GTF3C1: variants seen among roughly 807,000 people sequenced by gnomAD.
The protein encoded by GTF3C1 is general transcription factor IIIC subunit 1, also known as general transcription factor 3C polypeptide 1.
GTF3C1 carries 57 observed loss-of-function variants against 226.7 expected under a neutral mutation model. The ratio of observed to expected loss-of-function variants is 0.25; its 90% CI spans 0.20 to 0.31. The LOEUF (loss-of-function observed/expected upper bound fraction) is 0.31, where lower values mean the gene tolerates loss of function less well. Ranked by LOEUF, GTF3C1 falls within the 10% of genes least tolerant of loss-of-function variation. The pLI, the probability that GTF3C1 is intolerant of heterozygous loss-of-function variation, is 1.00. For synonymous variants in GTF3C1, 1,090 were observed against 1,084.8 expected (o/e 1.00, Z -0.09); for missense variants, 2,217 against 2,776.1 (o/e 0.80, Z 4.53).
intron 5 of GTF3C1, among the ~76,000 whole-genome samples, 170 bp downstream of exon 5, chr16:27,533,121 G>C (rs1051115344): frequency 6.6e-6 from 1 of 152,182 alleles, no homozygotes; most frequent in African/African-American, 2.4e-5. Flanking sequence ...AACAGAGCAA[G>C]ACTCTGTCTC....
At position 27,495,351 on chromosome 16, in the gene GTF3C1, G is replaced by A. The variant is rs531481141; in HGVS notation, c.2492C>T (p.Thr831Met). Reference protein sequence around the residue: ...EKPSFISERRTIKQESGRAGV... With the variant: ...EKPSFISERRMIKQESGRAGV... ...TGCCCTGCCTGACTCCTGCTTTATC[G>A]TTCTCCGTTCACTGATGAAGCTTGG... Residue 831 changes from threonine to methionine, a missense_variant, in exon 15 of 37, where the codon ACG becomes ATG. By Grantham distance (81) the Thr-to-Met change is moderately conservative. This residue lies in a region of GTF3C1 where 353 missense variants were observed against 411.7 expected (regional missense o/e 0.86). Transcript: ENST00000356183. The A allele has an allele frequency of 1.1e-5, 18 of 1,613,962 alleles. No individual in the cohort carries two copies. The highest frequency in any genetic ancestry group is 3.3e-5 in the Admixed American group (2 of 60,006).
At chr16:27,497,873 A>T (rs758223555) in intron 13 of GTF3C1, 52 bp from the exon 14 acceptor site, 1 of 1,437,684 alleles carries the variant, frequency 7.0e-7, no homozygotes, top group South Asian at 1.2e-5. Context: ...AAGGGCTAAG[A>T]GAAAGGACAG....
At chr16:27,526,279 C>T (rs1031142279) in intron 6 of GTF3C1, among the ~76,000 whole-genome samples, 1 of 152,084 alleles carries the variant, frequency 6.6e-6, no homozygotes, top group African/African-American at 2.4e-5. Flanking sequence ...GCACATCAAA[C>T]GACAGACTAA....
chr16:27,549,658 C>G lies in GTF3C1; in HGVS notation c.221+12G>C. 3 of 1,172,690 alleles carry G rather than the reference C, an allele frequency of 2.6e-6. No individual in the cohort carries two copies. The highest frequency in any genetic ancestry group is 3.7e-6 in the Non-Finnish European group (3 of 821,686). The allele number at this position is 1,172,690 out of a possible 1,614,324, so 72.6% of individuals were successfully genotyped here. A position where few individuals can be genotyped will look rare whatever the true frequency, so the allele number is the denominator to read the frequency against. On this transcript the variant is annotated intron_variant, in intron 1 of 36. Transcript: ENST00000356183. The stretch of plus-strand genomic sequence containing the variant: ...CCGCCCGCCCGCCCGCCAGGCCAGG[C>G]CGCCCGCTGACCGGTCCTGGAGCTG...
In GTF3C1 at chr16:27,470,161, C is replaced by T. The variant is rs1186669653; in HGVS notation, c.4761G>A (p.Pro1587=). ...LGLISVDVRI[P]EQIIVVDSSM... ...AGCTGTCTACCACGATGATCTGCTCCGGGATCCTGACATCCACAGAAATGA... is the reference window on the plus strand; with the variant it reads ...AGCTGTCTACCACGATGATCTGCTCTGGGATCCTGACATCCACAGAAATGA... The change falls in exon 31 of 37, where the codon CCG becomes CCA. Residue 1587 remains proline, a synonymous_variant. Transcript: ENST00000356183. This position sits in a 1 kb window ranked among gnomAD's most constrained non-coding sequence, Gnocchi z 4.9. 3.7e-6 allele frequency: 6 copies of T among 1,613,804 alleles called. No homozygotes were observed. Among genetic ancestry groups the T allele is most frequent in the East Asian group, 2.2e-5 (1 of 44,896 alleles).
intron 25 of GTF3C1, 29 bp from the exon 26 acceptor site, chr16:27,483,154 C>G: frequency 6.2e-7 from 1 of 1,602,508 alleles, no homozygotes; most frequent in Non-Finnish European, 8.5e-7. Context: ...AAGCTGAAGT[C>G]TGGGAATTGC....
At chr16:27,491,403 G>C (rs563528450) in intron 19 of GTF3C1, among the ~76,000 whole-genome samples, 1 of 152,312 alleles carries the variant, frequency 6.6e-6, no homozygotes, top group South Asian at 2.1e-4. Flanking sequence ...CCATGCATTT[G>C]ATCCACATTT....
At position 27,471,491 on chromosome 16, in the gene GTF3C1, CT is replaced by C; in HGVS notation, c.4526+256del. ...TAAATGCAAACTGATTTCACTCCAT[CT>C]GACGAGAGAAACGGAAACAAACCAC... On this transcript the variant is annotated intron_variant, in intron 30 of 36. Transcript: ENST00000356183. The surrounding 1 kb of genome is among the most constrained non-coding windows in gnomAD (Gnocchi z 5.0). 1 of 469,438 alleles carries C rather than the reference CT, an allele frequency of 2.1e-6. No homozygotes were observed. Among genetic ancestry groups the C allele is most frequent in the East Asian group, 3.7e-5 (1 of 27,394 alleles). The allele number at this position is 469,438 out of a possible 1,614,324, so 29.1% of individuals were successfully genotyped here. A position where few individuals can be genotyped will look rare whatever the true frequency, so the allele number is the denominator to read the frequency against.
chr16:27,530,801 G>A lies in GTF3C1; in HGVS notation c.850-2080C>T, dbSNP rs572596505. 1.8e-4 allele frequency among the ~76,000 whole-genome samples: 27 copies of A among 152,270 alleles called. No homozygotes were observed. In the South Asian group the frequency reaches 5.4e-3, roughly 30 times the overall value. On this transcript the variant is annotated intron_variant, in intron 5 of 36. Transcript: ENST00000356183. ...TGTCTTCATCGTGGGGGCCCGCAGT[G>A]AGCAAGCAGACATGATCCCTGCGTC...
At position 27,462,125 on chromosome 16, in the gene GTF3C1, G is replaced by A; in HGVS notation, c.6117+169C>T. On this transcript the variant is annotated intron_variant, in intron 36 of 36. Transcript: ENST00000356183. The surrounding 1 kb of genome is among the most constrained non-coding windows in gnomAD (Gnocchi z 4.5). Reference sequence around the variant, plus strand: ...GGTCAGCAGCATGGAGCTGGTGAAGGACACTGAGGGACAGCCTGAGAGGCA... The same window carrying A: ...GGTCAGCAGCATGGAGCTGGTGAAGAACACTGAGGGACAGCCTGAGAGGCA... The A allele has an allele frequency of 1.7e-6, 1 of 603,090 alleles. No individual in the cohort carries two copies. Among genetic ancestry groups the A allele is most frequent in the East Asian group, 2.8e-5 (1 of 36,324 alleles). The allele number at this position is 603,090 out of a possible 1,614,324, so 37.4% of individuals were successfully genotyped here. A position where few individuals can be genotyped will look rare whatever the true frequency, so the allele number is the denominator to read the frequency against.
intron 4 of GTF3C1, among the ~76,000 whole-genome samples, chr16:27,536,837 C>T (rs1314772451): frequency 6.6e-6 from 1 of 152,128 alleles, no homozygotes; most frequent in Non-Finnish European, 1.5e-5. Context: ...CTGGCTTCTG[C>T]CCCTCCCACA....
chr16:27,485,523 T>G (rs2088125915), intron 24 of GTF3C1, among the ~76,000 whole-genome samples: 1 of 152,206 alleles, frequency 6.6e-6, no homozygotes, highest in Non-Finnish European at 1.5e-5. Context: ...AATTGGAGCT[T>G]TTCAGGCAAT....
intron 7 of GTF3C1, 142 bp downstream of exon 7, chr16:27,511,607 C>A (rs1262709647): frequency 6.1e-6 from 5 of 817,338 alleles, no homozygotes; most frequent in Non-Finnish European, 9.5e-6. Context: ...GACCTTGAAG[C>A]CTAAACCCTT....
intron 2 of GTF3C1, 43 bp downstream of exon 2, chr16:27,545,271 C>A: frequency 7.1e-7 from 1 of 1,417,392 alleles, no homozygotes; most frequent in Non-Finnish European, 1.0e-6. Context: ...GCCACCGTAC[C>A]CGGCCAGATT....
At chr16:27,501,705 T>C (rs1197036602) in intron 11 of GTF3C1, among the ~76,000 whole-genome samples, 6 of 152,238 alleles carry the variant, frequency 3.9e-5, no homozygotes, top group Non-Finnish European at 8.8e-5. Context: ...CTCTGGTTTA[T>C]CACTAGCCCC....
intron 6 of GTF3C1, among the ~76,000 whole-genome samples, chr16:27,515,802 A>G (rs1158898765): frequency 6.6e-6 from 1 of 152,256 alleles, no homozygotes; most frequent in Non-Finnish European, 1.5e-5. Context: ...GCATCTGTAC[A>G]GAGGCTGGCA....
intron 5 of GTF3C1, among the ~76,000 whole-genome samples, chr16:27,531,988 G>A (rs2088924093): frequency 6.6e-6 from 1 of 152,312 alleles, no homozygotes; most frequent in South Asian, 2.1e-4. Context: ...AAATGGCCCT[G>A]CCTCCCTGCC....
rs897807429 is a variant in GTF3C1 at position 27,520,183 on chromosome 16, C to T, written c.974-8282G>A. The stretch of plus-strand genomic sequence containing the variant: ...CCAGACTGGAGTGCAGTGGCGTGAT[C>T]GGCTCACTGCAACCTCCACCTCCTG... On this transcript the variant is annotated intron_variant, in intron 6 of 36. Transcript: ENST00000356183. Among the ~76,000 whole-genome samples the T allele has an allele frequency of 2.6e-5, 4 of 152,124 alleles. 1 individual carries two copies. Among genetic ancestry groups the T allele is most frequent in the Non-Finnish European group, 5.9e-5 (4 of 68,022 alleles).
intron 19 of GTF3C1, among the ~76,000 whole-genome samples, chr16:27,491,211 CAA>C (rs943945654): frequency 1.3e-5 from 2 of 152,150 alleles, no homozygotes; most frequent in Non-Finnish European, 2.9e-5. Context: ...TTGCAAAAAT[CAA>C]AGTGTGATAC....
Sources: allele counts gnomAD v4.1 joint callset (sites outside exome capture counted in the v4.1 genomes callset), GRCh38; gene constraint gnomAD v4.1.1; regional missense constraint gnomAD v4.1.1; non-coding constraint Gnocchi (gnomAD v3.1); transcripts MANE v1.5; gene names NCBI Gene and HGNC (gene_info 2026-07-23, HGNC 2026-07-21).